The following ADAM7 variants were observed in gnomAD, a reference collection of about 807,000 sequenced individuals.
ADAM7 encodes ADAM metallopeptidase domain 7.
In ADAM7, 97 loss-of-function variants were observed where a neutral mutation model predicts 102.9. The observed-to-expected ratio is 0.94, with a 90% CI of 0.80 to 1.12. ADAM7 has a LOEUF of 1.12. Among genes scored for constraint, ADAM7 ranks in the 50% most tolerant of loss-of-function variants. The pLI is 0.00. For missense variants in ADAM7, 991 were observed against 908.7 expected (o/e 1.09, Z -1.16); for synonymous variants, 334 against 304.4 (o/e 1.10, Z -1.01).
chr8:24,492,809 T>A (rs779183842), intron 15 of ADAM7, among the ~76,000 whole-genome samples: 10 of 152,204 alleles, frequency 6.6e-5, no homozygotes, highest in Non-Finnish European at 1.2e-4. Context: ...AGTATTGACT[T>A]GTGAGGTTCA....
Position 24,487,238 on chromosome 8 carries a change from G to T in ADAM7, c.1012G>T (p.Gly338Trp). The change falls in exon 11 of 22, where the codon GGG (glycine) becomes TGG (tryptophan). Residue 338 changes from glycine to tryptophan, a missense_variant. Transcript: ENST00000175238. ...IIANRMAHQL[G>W]HNLGMQHDEF... ...TGCAAACAGAATGGCACATCAACTGGGGCATAACCTTGGGATGCAGCATGA... is the reference window on the plus strand; with the variant it reads ...TGCAAACAGAATGGCACATCAACTGTGGCATAACCTTGGGATGCAGCATGA... 1 of 1,613,814 alleles carries T rather than the reference G, an allele frequency of 6.2e-7. No homozygotes were observed. Among genetic ancestry groups the T allele is most frequent in the Non-Finnish European group, 8.5e-7 (1 of 1,179,836 alleles).
intron 3 of ADAM7, among the ~76,000 whole-genome samples, chr8:24,459,146 G>C (rs1819146863): frequency 6.6e-6 from 1 of 151,974 alleles, no homozygotes; most frequent in East Asian, 1.9e-4. Context: ...GAGCATATTT[G>C]TGTGTATGTG....
Position 24,509,347 on chromosome 8 carries a change from C to A in ADAM7, c.*801C>A. Reference sequence around the variant, plus strand: ...GTGCTGTCTCTGCCCTCTCCCTATCCGTTTGTTATGGGATGGGGGATTACC... The same window carrying A: ...GTGCTGTCTCTGCCCTCTCCCTATCAGTTTGTTATGGGATGGGGGATTACC... On this transcript the variant is annotated 3_prime_UTR_variant, in exon 22 of 22. Transcript: ENST00000175238. The A allele has an allele frequency of 1.0e-6, 1 of 985,346 alleles. No individual in the cohort carries two copies. Among genetic ancestry groups the A allele is most frequent in the Non-Finnish European group, 1.2e-6 (1 of 829,924 alleles). The allele number at this position is 985,346 out of a possible 1,614,324, so 61.0% of individuals were successfully genotyped here.
chr8:24,475,644 G>C (rs1819744185), intron 7 of ADAM7, among the ~76,000 whole-genome samples: 1 of 152,024 alleles, frequency 6.6e-6, no homozygotes, highest in South Asian at 2.1e-4. Flanking sequence ...GCAGTATTTT[G>C]ATCTTTAAGG....
chr8:24,480,486 A>G (rs1819912293), intron 8 of ADAM7, among the ~76,000 whole-genome samples: 2 of 152,148 alleles, frequency 1.3e-5, no homozygotes, highest in South Asian at 4.1e-4. Flanking sequence ...CCTACTATAA[A>G]GAGCAGTTCA....
intron 3 of ADAM7, among the ~76,000 whole-genome samples, chr8:24,462,191 A>G (rs541086034): frequency 6.6e-6 from 1 of 152,172 alleles, no homozygotes; most frequent in South Asian, 2.1e-4. Flanking sequence ...GTGGCATCAA[A>G]TTTTAGTTCA....
intron 8 of ADAM7, among the ~76,000 whole-genome samples, chr8:24,478,791 T>G (rs1031640185): frequency 6.6e-6 from 1 of 152,328 alleles, no homozygotes; most frequent in South Asian, 2.1e-4. Context: ...CTCTTTTGTA[T>G]GTTCTTTAAT....
intron 3 of ADAM7, among the ~76,000 whole-genome samples, chr8:24,462,535 C>T (rs919890616): frequency 6.6e-6 from 1 of 152,180 alleles, no homozygotes. Context: ...GCCTTCTCCC[C>T]TGAGCCTCCT....
intron 7 of ADAM7, among the ~76,000 whole-genome samples, chr8:24,473,538 C>G (rs1819673971): frequency 6.6e-6 from 1 of 152,010 alleles, no homozygotes; most frequent in Non-Finnish European, 1.5e-5. Flanking sequence ...ATGTCTCAAG[C>G]AAAGTAAGTC....
At chr8:24,453,917 T>G (rs933711860) in intron 3 of ADAM7, among the ~76,000 whole-genome samples, 4 of 152,236 alleles carry the variant, frequency 2.6e-5, no homozygotes, top group African/African-American at 9.6e-5. Context: ...AGAGGTCCAC[T>G]CCAGACCTGT....
intron 3 of ADAM7, among the ~76,000 whole-genome samples, chr8:24,452,357 A>G (rs1001207416): frequency 5.4e-5 from 8 of 148,380 alleles, no homozygotes; most frequent in Non-Finnish European, 7.5e-5. Context: ...ATATATATTT[A>G]GGATAGTTAG....
intron 16 of ADAM7, among the ~76,000 whole-genome samples, chr8:24,497,235 G>A (rs756780793): frequency 1.3e-5 from 2 of 152,172 alleles, no homozygotes; most frequent in African/African-American, 2.4e-5. Flanking sequence ...ACGTGGAACT[G>A]TAAGTTCAAT....
intron 4 of ADAM7, 22 bp downstream of exon 4, chr8:24,463,982 T>G (rs758302865): frequency 1.9e-6 from 3 of 1,589,780 alleles, no homozygotes; most frequent in Non-Finnish European, 2.6e-6. Context: ...AACTTTACTG[T>G]GTCTCTTCTC....
intron 3 of ADAM7, among the ~76,000 whole-genome samples, chr8:24,462,315 C>G (rs917987857): frequency 6.6e-6 from 1 of 152,162 alleles, no homozygotes; most frequent in African/African-American, 2.4e-5. Flanking sequence ...TCTCCCCGCT[C>G]TCTCATTTTT....
chr8:24,476,249 A>G (rs945236943), intron 7 of ADAM7, among the ~76,000 whole-genome samples, 184 bp from the exon 8 acceptor site: 4 of 152,134 alleles, frequency 2.6e-5, no homozygotes, highest in Non-Finnish European at 5.9e-5. Flanking sequence ...GGAGGGCTGT[A>G]TTTAGTTATT....
chr8:24,462,443 A>T (rs1451448442), intron 3 of ADAM7, among the ~76,000 whole-genome samples: 1 of 152,226 alleles, frequency 6.6e-6, no homozygotes, highest in African/African-American at 2.4e-5. Context: ...TCTATAAGGC[A>T]GACTTCAGCC....
intron 3 of ADAM7, among the ~76,000 whole-genome samples, chr8:24,454,842 T>G (rs1818968329): frequency 6.6e-6 from 1 of 152,186 alleles, no homozygotes; most frequent in African/African-American, 2.4e-5. Context: ...AAATACTTAT[T>G]TTATAAACTC....
intron 20 of ADAM7, 78 bp downstream of exon 20, chr8:24,501,654 C>A: frequency 9.3e-7 from 1 of 1,070,218 alleles, no homozygotes; most frequent in East Asian, 2.6e-5. Context: ...AAGTAGAACC[C>A]GTCCTAAGCT....
chr8:24,491,998 G>A lies in ADAM7; in HGVS notation c.1452G>A (p.Gln484=). The A allele has an allele frequency of 6.2e-7, 1 of 1,614,016 alleles. No homozygotes were observed. The highest frequency in any genetic ancestry group is 8.5e-7 in the Non-Finnish European group (1 of 1,179,906). The change falls in exon 14 of 22, where the codon CAG becomes CAA. Residue 484 remains glutamine (Q), a synonymous_variant. Transcript: ENST00000175238. ...ACTCGCCTGCCTGTCCTAAGGACCA[G>A]TTCAGGGTCAATGGATTTCCTTGCA... The part of the protein sequence containing the change: ...TGHSPACPKD[Q]FRVNGFPCKN...
Sources: allele counts gnomAD v4.1 joint callset (sites outside exome capture counted in the v4.1 genomes callset), GRCh38; gene constraint gnomAD v4.1.1; transcripts MANE v1.5; gene names NCBI Gene and HGNC (gene_info 2026-07-23, HGNC 2026-07-21).